The following DNAH6 variants were observed in gnomAD, a reference collection of about 807,000 sequenced individuals.
The protein encoded by DNAH6 is axonemal beta dynein heavy chain 6.
DNAH6 carries 340 observed loss-of-function variants against 491.4 expected under a neutral mutation model. That is an observed-to-expected ratio of 0.69 (90% confidence interval 0.63 to 0.76). DNAH6 has a LOEUF of 0.76. Among genes scored for constraint, DNAH6 ranks in the 30% least tolerant of loss-of-function variants. The pLI, the probability that DNAH6 is intolerant of heterozygous loss-of-function variation, is 0.00. For synonymous variants in DNAH6, 1,603 were observed against 1,686.1 expected, an observed-to-expected ratio of 0.95 and a Z score of 1.21; for missense variants, 4,443 against 4,972.2, an observed-to-expected ratio of 0.89 and a Z score of 3.20.
intron 22 of DNAH6, among the ~76,000 whole-genome samples, chr2:84,612,290 G>GT (rs11389769): frequency 0.19 from 29,392 of 151,980 alleles, 5,536 homozygotes; most frequent in African/African-American, 0.49. Flanking sequence ...ATTAAAACTA[G>GT]TAAAAATATT....
chr2:84,725,762 C>A (rs748384977), intron 60 of DNAH6, among the ~76,000 whole-genome samples: 2 of 152,108 alleles, frequency 1.3e-5, no homozygotes, highest in Non-Finnish European at 2.9e-5. Context: ...GGCCAGGATA[C>A]CCTCTACCAA....
Position 84,733,487 on chromosome 2 carries a change from C to T in DNAH6, c.10250C>T (p.Thr3417Ile). 1 of 1,551,474 alleles carries T rather than the reference C, an allele frequency of 6.4e-7. No individual in the cohort carries two copies. Among genetic ancestry groups the T allele is most frequent in the Non-Finnish European group, 8.7e-7 (1 of 1,146,778 alleles). The change falls in exon 62 of 77, where the codon ACA (threonine) becomes ATA (isoleucine). Residue 3417 changes from threonine (T) to isoleucine (I), a missense_variant. By Grantham distance (89) the Thr-to-Ile change is moderately conservative. Around this residue, in one of 3 missense-constraint regions of DNAH6, gnomAD observed 1,463 missense variants for 1,656.6 expected, o/e 0.88. Coordinates refer to ENST00000389394, the MANE Select transcript of DNAH6 (RefSeq NM_001370.2). ...GAAGCTCCCTGGCTACCTACTGCTA[C>T]ATGGTTCGCATGCTGTGACTTGGAA... is the stretch of plus-strand genomic sequence containing the variant. ...KPEAPWLPTA[T>I]WFACCDLEES...
At chr2:84,480,895 G>A in the DNAH6 span, among the ~76,000 whole-genome samples, 13 of 151,942 alleles carry the variant, frequency 8.6e-5, no homozygotes, top group Non-Finnish European at 1.3e-4. Flanking sequence ...CCTGGGAGGC[G>A]GAGGTTGCAG....
intron 62 of DNAH6, among the ~76,000 whole-genome samples, chr2:84,743,513 G>A (rs952196380): frequency 6.6e-6 from 1 of 152,066 alleles, no homozygotes; most frequent in African/African-American, 2.4e-5. Context: ...GTGTCCTATT[G>A]GGAGTTATTT....
chr2:84,705,058 G>C (rs189899206), intron 51 of DNAH6, among the ~76,000 whole-genome samples: 271 of 152,260 alleles, frequency 1.8e-3, no homozygotes, highest in Non-Finnish European at 2.1e-3. Flanking sequence ...TTCATGGTAG[G>C]AAGATCAATC....
At chr2:84,553,565 C>T (rs1679716077) in intron 10 of DNAH6, among the ~76,000 whole-genome samples, 1 of 150,494 alleles carries the variant, frequency 6.6e-6, no homozygotes, top group Non-Finnish European at 1.5e-5. Flanking sequence ...AAGGCTCAAG[C>T]AATCCTCTCA....
intron 33 of DNAH6, among the ~76,000 whole-genome samples, chr2:84,648,899 A>T (rs1353822157): frequency 6.6e-6 from 1 of 152,256 alleles, no homozygotes; most frequent in Non-Finnish European, 1.5e-5. Context: ...ATCAAACAGC[A>T]TCACATGCTA....
At chr2:84,726,377 C>G (rs1216811672) in intron 60 of DNAH6, among the ~76,000 whole-genome samples, 3 of 152,318 alleles carry the variant, frequency 2.0e-5, no homozygotes, top group African/African-American at 7.2e-5. Context: ...CCCTGAGTCT[C>G]TGCTGCAAGA....
chr2:84,562,767 C>A (rs1453163146), intron 11 of DNAH6, among the ~76,000 whole-genome samples: 1 of 152,182 alleles, frequency 6.6e-6, no homozygotes, highest in Non-Finnish European at 1.5e-5. Context: ...TTTGACAACA[C>A]AAGTGAAATA....
chr2:84,507,081 A>C, the DNAH6 span, among the ~76,000 whole-genome samples: 1 of 152,144 alleles, frequency 6.6e-6, no homozygotes, highest in African/African-American at 2.4e-5. Flanking sequence ...ACTTTAAAGT[A>C]GTTTTTTCCA....
At chr2:84,788,362 A>C (rs1677415627) in intron 68 of DNAH6, among the ~76,000 whole-genome samples, 1 of 152,158 alleles carries the variant, frequency 6.6e-6, no homozygotes, top group South Asian at 2.1e-4. Flanking sequence ...GTAATTGTGG[A>C]GGTAAAAAGT....
At chr2:84,802,589 G>A (rs185121916) in intron 70 of DNAH6, among the ~76,000 whole-genome samples, 58 of 151,764 alleles carry the variant, frequency 3.8e-4, no homozygotes, top group Non-Finnish European at 5.7e-4. Context: ...TTTTACAGCC[G>A]CACAATAATC....
chr2:84,652,288 TTTTA>T (rs1370174034), intron 33 of DNAH6, among the ~76,000 whole-genome samples: 1 of 152,084 alleles, frequency 6.6e-6, no homozygotes, highest in African/African-American at 2.4e-5. Flanking sequence ...CCCATAAGTG[TTTTA>T]AAGAGAGGCC....
chr2:84,576,003 G>C (rs1469985319), intron 12 of DNAH6, among the ~76,000 whole-genome samples: 3 of 152,170 alleles, frequency 2.0e-5, no homozygotes, highest in African/African-American at 7.2e-5. Flanking sequence ...TGAAATAAGA[G>C]TTTTGGACCA....
Position 84,705,749 on chromosome 2 carries a change from T to G in DNAH6, c.8727+2T>G. ...AGACAAAAGCTCCGCGCCGCACAGG[T>G]ACATTTTCTGTATTGTGATATTTTA... On this transcript the variant is annotated splice_donor_variant, in intron 52 of 76. Coordinates refer to ENST00000389394, the MANE Select transcript of DNAH6 (RefSeq NM_001370.2). LOFTEE classifies it high-confidence loss of function. 1 of 1,540,346 alleles carries G rather than the reference T, an allele frequency of 6.5e-7. No homozygotes were observed. Among genetic ancestry groups the G allele is most frequent in the Non-Finnish European group, 8.7e-7 (1 of 1,142,958 alleles).
At chr2:84,634,269 G>A (rs1277878775) in intron 29 of DNAH6, among the ~76,000 whole-genome samples, 1 of 152,166 alleles carries the variant, frequency 6.6e-6, no homozygotes, top group African/African-American at 2.4e-5. Flanking sequence ...AGGAAAATTG[G>A]TCAGATTGTC....
At position 84,710,319 on chromosome 2, in the gene DNAH6, A is replaced by T; in HGVS notation, c.9285A>T (p.Lys3095Asn). ...ANRWIRNKES[K>N]SGLKIIKLTD... The stretch of plus-strand genomic sequence containing the variant: ...GTTGGATAAGGAACAAGGAAAGCAA[A>T]AGTGGTTTAAAGATCATTAAGCTTA... The change falls in exon 56 of 77, where the codon AAA becomes AAT. Residue 3095 changes from lysine (K) to asparagine (N), a missense_variant. Physicochemically the swap from Lys to Asn is moderately conservative, Grantham distance 94. Transcript: ENST00000389394. 1 of 1,551,688 alleles carries T rather than the reference A, an allele frequency of 6.4e-7. No homozygotes were observed. The highest frequency in any genetic ancestry group is 8.7e-7 in the Non-Finnish European group (1 of 1,146,962).
chr2:84,672,137 C>G (rs1289555230), intron 39 of DNAH6, among the ~76,000 whole-genome samples, 190 bp from the exon 40 acceptor site: 1 of 152,174 alleles, frequency 6.6e-6, no homozygotes, highest in Non-Finnish European at 1.5e-5. Context: ...ACGTCTTGAC[C>G]AGGACCACAT....
chr2:84,596,922 G>A (rs1387837116), intron 18 of DNAH6, among the ~76,000 whole-genome samples: 2 of 152,066 alleles, frequency 1.3e-5, no homozygotes, highest in Non-Finnish European at 1.5e-5. Context: ...CGAAATCCTA[G>A]TTTATATTTT....
Sources: gnomAD v4.1 joint callset for allele counts (sites outside exome capture counted in the v4.1 genomes callset) on GRCh38, gnomAD v4.1.1 for gene constraint, gnomAD v4.1.1 regional missense constraint, MANE v1.5 for transcripts, NCBI Gene and HGNC (gene_info 2026-07-23, HGNC 2026-07-21) for gene names.